KDM4C: variants seen among roughly 807,000 people sequenced by gnomAD.
KDM4C encodes lysine demethylase 4C, also known as lysine-specific demethylase 4C.
Under a neutral mutation model 129.3 loss-of-function variants are expected in KDM4C, and 81 were observed. The observed-to-expected ratio is 0.63, with a 90% CI of 0.52 to 0.75. KDM4C has a LOEUF of 0.75. KDM4C is among the 30% of genes least tolerant of loss of function. KDM4C has a pLI of 0.00. For synonymous variants in KDM4C, 573 were observed against 456.1 expected (o/e 1.26, Z -3.26); for missense variants, 1,457 against 1,304.0 (o/e 1.12, Z -1.81).
intron 5 of KDM4C, among the ~76,000 whole-genome samples, chr9:6,875,038 A>G (rs887996143): frequency 6.6e-6 from 1 of 152,092 alleles, no homozygotes; most frequent in Admixed American, 6.6e-5. Flanking sequence ...GGTCCTGAGC[A>G]CACCAGACTG....
At chr9:6,769,084 C>T (rs1821234352) in intron 1 of KDM4C, among the ~76,000 whole-genome samples, 1 of 151,990 alleles carries the variant, frequency 6.6e-6, no homozygotes, top group Admixed American at 6.6e-5. Flanking sequence ...GGAGTTTGTT[C>T]ATTTTAAAAA....
chr9:6,919,247 T>TTTCTTTCTTTCTTTTC lies in KDM4C; in HGVS notation c.921+26017_921+26018insCTTTCTTTCTTTTCTT. On this transcript the variant is annotated intron_variant, in intron 8 of 21. Coordinates refer to ENST00000381309, the MANE Select transcript of KDM4C (RefSeq NM_015061.6). ...CCTTCTTTCTTTCTTTCTTTCTTTCTTTTCTTTCTTTCTTTCTTTCTTTCT... is the reference window on the plus strand; with the variant it reads ...CCTTCTTTCTTTCTTTCTTTCTTTCTTTCTTTCTTTCTTTTCTTTCTTTCTTTCTTTCTTTCTTTCT... 2.9e-3 allele frequency among the ~76,000 whole-genome samples: 307 copies of TTTCTTTCTTTCTTTTC among 106,338 alleles called. 1 individual carries two copies. The highest frequency in any genetic ancestry group is 4.9e-3 in the Non-Finnish European group (246 of 50,216). The allele number at this position is 106,338 out of a possible 152,430, so 69.8% of individuals were successfully genotyped here.
intron 1 of KDM4C, among the ~76,000 whole-genome samples, chr9:6,771,008 T>TCG (rs1255652541): frequency 6.6e-6 from 1 of 150,450 alleles, no homozygotes; most frequent in African/African-American, 2.4e-5. Flanking sequence ...ACTCCTGACC[T>TCG]CGTGATCCAC....
At chr9:7,055,071 G>T (rs561477976) in intron 17 of KDM4C, among the ~76,000 whole-genome samples, 1 of 152,042 alleles carries the variant, frequency 6.6e-6, no homozygotes, top group Non-Finnish European at 1.5e-5. Flanking sequence ...CCAGCTGCTC[G>T]GGAGCCTATC....
intron 8 of KDM4C, among the ~76,000 whole-genome samples, chr9:6,972,276 T>C (rs1180797651): frequency 6.6e-6 from 1 of 151,952 alleles, no homozygotes; most frequent in Non-Finnish European, 1.5e-5. Flanking sequence ...TACACACATA[T>C]GTATATAAAT....
At chr9:7,084,362 A>G (rs1201715249) in intron 17 of KDM4C, among the ~76,000 whole-genome samples, 1 of 152,196 alleles carries the variant, frequency 6.6e-6, no homozygotes, top group Non-Finnish European at 1.5e-5. Flanking sequence ...GAGCAAGACA[A>G]ACGTTTTGTT....
intron 18 of KDM4C, chr9:7,105,557 T>C: frequency 2.3e-6 from 1 of 439,870 alleles, no homozygotes; most frequent in Non-Finnish European, 4.8e-6. Context: ...AGAGGTTTAA[T>C]TCCTTGCCCA....
chr9:6,734,966 A>G, intron 1 of KDM4C: 1 of 571,424 alleles, frequency 1.8e-6, no homozygotes, highest in Non-Finnish European at 3.5e-6. Flanking sequence ...TGTCTAACAC[A>G]TCAACTCCAA....
chr9:7,061,730 G>A (rs184325325), intron 17 of KDM4C, among the ~76,000 whole-genome samples: 2 of 152,316 alleles, frequency 1.3e-5, no homozygotes, highest in East Asian at 1.9e-4. Flanking sequence ...CTCAGCAATG[G>A]CTAGTGTTCC....
intron 8 of KDM4C, among the ~76,000 whole-genome samples, chr9:6,918,362 T>A (rs994104544): frequency 2.0e-5 from 3 of 152,246 alleles, no homozygotes; most frequent in Non-Finnish European, 4.4e-5. Flanking sequence ...TTATTCTTTT[T>A]ATGGCTGCAT....
intron 17 of KDM4C, among the ~76,000 whole-genome samples, chr9:7,086,744 A>G (rs1465633617): frequency 6.6e-6 from 1 of 152,180 alleles, no homozygotes; most frequent in African/African-American, 2.4e-5. Context: ...CTTCCAGCTG[A>G]TACATACACA....
intron 15 of KDM4C, among the ~76,000 whole-genome samples, chr9:7,020,931 C>T (rs1171785292): frequency 1.9e-4 from 27 of 138,904 alleles, no homozygotes; most frequent in Non-Finnish European, 3.4e-4. Context: ...TTTTTTGTAC[C>T]CATTAACCAT....
chr9:7,114,553 G>A (rs759645372), intron 18 of KDM4C, among the ~76,000 whole-genome samples: 2 of 152,154 alleles, frequency 1.3e-5, no homozygotes, highest in Non-Finnish European at 2.9e-5. Flanking sequence ...GGTTTCAGGA[G>A]AAATATTTAC....
At chr9:7,167,548 A>G (rs1190360562) in intron 20 of KDM4C, among the ~76,000 whole-genome samples, 2 of 152,356 alleles carry the variant, frequency 1.3e-5, no homozygotes, top group East Asian at 3.9e-4. Context: ...CAAGGCCAGG[A>G]AGAAAACCCT....
Position 7,157,026 on chromosome 9 carries a change from T to C in KDM4C, c.2782-8212T>C, listed in dbSNP as rs184414973. On this transcript the variant is annotated intron_variant, in intron 19 of 21. Coordinates refer to ENST00000381309, the MANE Select transcript of KDM4C (RefSeq NM_015061.6). ...CATTTGTTTGCGTCCTCTTTTATTT[T>C]GTTGAGCAGTGGTTTGTAGTTCTCC... 6.4e-3 allele frequency among the ~76,000 whole-genome samples: 977 copies of C among 152,204 alleles called. 9 individuals carry two copies. Among genetic ancestry groups the C allele is most frequent in the African/African-American group, 0.022 (930 of 41,530 alleles).
At chr9:6,741,419 A>T (rs961919596) in intron 1 of KDM4C, among the ~76,000 whole-genome samples, 1 of 148,950 alleles carries the variant, frequency 6.7e-6, no homozygotes, top group Non-Finnish European at 1.5e-5. Flanking sequence ...AAAAACAAAA[A>T]CTCAAGAGGA....
At chr9:6,802,379 TGTCA>T (rs1829170567) in intron 2 of KDM4C, among the ~76,000 whole-genome samples, 1 of 152,338 alleles carries the variant, frequency 6.6e-6, no homozygotes, top group South Asian at 2.1e-4. Flanking sequence ...GTATCCTATG[TGTCA>T]GTAATTTGAC....
chr9:7,132,747 A>G (rs1840780887), intron 19 of KDM4C, among the ~76,000 whole-genome samples: 1 of 152,208 alleles, frequency 6.6e-6, no homozygotes, highest in Admixed American at 6.5e-5. Flanking sequence ...ATCCTCTAGC[A>G]TGCACCTGTT....
intron 15 of KDM4C, among the ~76,000 whole-genome samples, chr9:7,030,455 C>G (rs1007317121): frequency 6.6e-6 from 1 of 152,010 alleles, no homozygotes; most frequent in Non-Finnish European, 1.5e-5. Context: ...CTAAACTAAA[C>G]TGTGGATTCT....
Sources: gnomAD v4.1 joint callset for allele counts (sites outside exome capture counted in the v4.1 genomes callset) on GRCh38, gnomAD v4.1.1 for gene constraint, MANE v1.5 for transcripts, NCBI Gene and HGNC (gene_info 2026-07-23, HGNC 2026-07-21) for gene names.